Variants in ANXA13 observed in about 807,000 individuals in gnomAD.
ANXA13 encodes the protein annexin A13, also known as annexin XIII.
A neutral mutation model predicts 46.6 loss-of-function variants in ANXA13; 36 were observed. That is an observed-to-expected ratio of 0.77 (90% CI 0.59 to 1.02). The LOEUF is 1.02. Ranked by LOEUF, ANXA13 falls within the 50% of genes least tolerant of loss-of-function variation. ANXA13 has a pLI of 0.00. For synonymous variants in ANXA13, 163 were observed against 152.9 expected, an observed-to-expected ratio of 1.07 and a Z score of -0.49; for missense variants, 417 against 396.5, an observed-to-expected ratio of 1.05 and a Z score of -0.44.
chr8:123,735,129 A>C (rs1219171397), intron 1 of ANXA13, among the ~76,000 whole-genome samples: 2 of 151,906 alleles, frequency 1.3e-5, no homozygotes, highest in Admixed American at 6.5e-5. Flanking sequence ...AAAAAAAAAA[A>C]ACAAACCCAG....
intron 8 of ANXA13, among the ~76,000 whole-genome samples, chr8:123,692,515 C>T (rs890643572): frequency 1.6e-4 from 24 of 152,152 alleles, no homozygotes; most frequent in African/African-American, 2.2e-4. Context: ...ATAACTAACT[C>T]GCTTTGTGGG....
chr8:123,731,503 G>A (rs1318261974), intron 1 of ANXA13, among the ~76,000 whole-genome samples: 1 of 152,128 alleles, frequency 6.6e-6, no homozygotes, highest in Admixed American at 6.5e-5. Flanking sequence ...TGTTGGTGAT[G>A]GGGATATATA....
intron 4 of ANXA13, among the ~76,000 whole-genome samples, chr8:123,697,543 C>T (rs1324044144): frequency 6.6e-6 from 1 of 152,214 alleles, no homozygotes; most frequent in Non-Finnish European, 1.5e-5. Context: ...GTGAACGTGG[C>T]CCAGCACCCA....
intron 4 of ANXA13, among the ~76,000 whole-genome samples, chr8:123,697,295 G>C (rs982853092): frequency 1.3e-5 from 2 of 152,180 alleles, no homozygotes; most frequent in African/African-American, 4.8e-5. Context: ...CTGGGACCTT[G>C]GTGCTTCTGA....
chr8:123,712,601 A>G, intron 2 of ANXA13, 77 bp downstream of exon 2: 1 of 1,241,580 alleles, frequency 8.1e-7, no homozygotes, highest in South Asian at 1.2e-5. Flanking sequence ...CAGCTTCCTA[A>G]CATCATGGGG....
intron 1 of ANXA13, among the ~76,000 whole-genome samples, chr8:123,730,108 G>T (rs1221188623): frequency 1.3e-5 from 2 of 152,182 alleles, no homozygotes; most frequent in African/African-American, 4.8e-5. Flanking sequence ...TAGCCGATGA[G>T]GGTGGAGGGT....
chr8:123,693,772 C>T lies in ANXA13; in HGVS notation c.479G>A (p.Arg160His), dbSNP rs376084774. ...KILVSLLQAN[R>H]NEGDDVDKDL... ...TTTGTCCACGTCATCTCCTTCATTG[C>T]GATTAGCCTAGAAAAATTGACACAT... The change falls in exon 7 of 11, where the codon CGC becomes CAC. Residue 160 changes from arginine (R) to histidine (H), a missense_variant. Transcript: ENST00000419625. The T allele has an allele frequency of 2.7e-5, 44 of 1,613,738 alleles. No individual in the cohort carries two copies. The highest frequency in any genetic ancestry group is 6.6e-5 in the South Asian group (6 of 91,058).
chr8:123,702,955 C>T (rs1241817293), intron 2 of ANXA13, among the ~76,000 whole-genome samples: 1 of 152,150 alleles, frequency 6.6e-6, no homozygotes, highest in African/African-American at 2.4e-5. Context: ...ACATGGCACA[C>T]AGTGCTAGGC....
At chr8:123,729,849 A>G (rs1389104993) in intron 1 of ANXA13, among the ~76,000 whole-genome samples, 1 of 152,090 alleles carries the variant, frequency 6.6e-6, no homozygotes, top group Non-Finnish European at 1.5e-5. Context: ...TTGTCCAACA[A>G]ACAAACAAAA....
intron 1 of ANXA13, among the ~76,000 whole-genome samples, chr8:123,730,510 C>G (rs369874502): frequency 4.6e-5 from 7 of 152,236 alleles, no homozygotes; most frequent in Non-Finnish European, 7.3e-5. Flanking sequence ...TCCTTAGTGT[C>G]GTAGGTTGAA....
chr8:123,697,188 CAGG>C (rs1439260289), intron 4 of ANXA13, among the ~76,000 whole-genome samples: 3 of 152,220 alleles, frequency 2.0e-5, no homozygotes, highest in African/African-American at 7.2e-5. Context: ...GCTAAGATTA[CAGG>C]CGTGAACCAC....
intron 1 of ANXA13, among the ~76,000 whole-genome samples, chr8:123,724,466 AG>A (rs1293022315): frequency 1.3e-5 from 2 of 152,238 alleles, no homozygotes; most frequent in Non-Finnish European, 1.5e-5. Flanking sequence ...ACAAGCAGCC[AG>A]GGTTGAGAAC....
chr8:123,735,523 T>A (rs1278365582), intron 1 of ANXA13, among the ~76,000 whole-genome samples: 1 of 152,222 alleles, frequency 6.6e-6, no homozygotes, highest in Non-Finnish European at 1.5e-5. Context: ...GAGTTGTTAA[T>A]GAGACACTGT....
rs567541118 is a variant in ANXA13, at chr8:123,732,973, G to A, written c.15+4347C>T. Among the ~76,000 whole-genome samples, 336 of 152,116 alleles carry A rather than the reference G, an allele frequency of 2.2e-3. 2 individuals carry two copies. Among genetic ancestry groups the A allele is most frequent in the African/African-American group, 7.7e-3 (318 of 41,532 alleles). On this transcript the variant is annotated intron_variant, in intron 1 of 10. Transcript: ENST00000419625. ...GGATCGCTTGAGCCCAGGAGTTTGG[G>A]ACCAGCCTGGGCAACATAGGATGAC...
At chr8:123,725,568 G>T (rs1813966897) in intron 1 of ANXA13, among the ~76,000 whole-genome samples, 1 of 152,162 alleles carries the variant, frequency 6.6e-6, no homozygotes, top group African/African-American at 2.4e-5. Context: ...AGAGATTGAT[G>T]AGCAATTTGA....
intron 2 of ANXA13, among the ~76,000 whole-genome samples, chr8:123,708,529 G>A (rs1813590111): frequency 1.3e-5 from 2 of 152,174 alleles, no homozygotes; most frequent in Non-Finnish European, 2.9e-5. Context: ...TAGCACTGCT[G>A]GGCCGCGCAG....
At position 123,690,066 on chromosome 8, in the gene ANXA13, G is replaced by T. The variant is rs1813206134; in HGVS notation, c.643-1120C>A. On this transcript the variant is annotated intron_variant, in intron 8 of 10. Transcript: ENST00000419625. This position sits in a 1 kb window ranked among gnomAD's most constrained non-coding sequence, Gnocchi z 4.6. Reference sequence around the variant, plus strand: ...GCAATAGAAACCAGATTAGAAGAGTGGGGGAACTGTCCCTTCCTTAGCTGC... The same window carrying T: ...GCAATAGAAACCAGATTAGAAGAGTTGGGGAACTGTCCCTTCCTTAGCTGC... Among the ~76,000 whole-genome samples, 1 of 152,100 alleles carries T rather than the reference G, an allele frequency of 6.6e-6. No individual in the cohort carries two copies. Among genetic ancestry groups the T allele is most frequent in the African/African-American group, 2.4e-5 (1 of 41,402 alleles).
intron 2 of ANXA13, among the ~76,000 whole-genome samples, chr8:123,707,851 A>C (rs1813569281): frequency 6.6e-6 from 1 of 152,138 alleles, no homozygotes; most frequent in Non-Finnish European, 1.5e-5. Flanking sequence ...TAATAATAAT[A>C]ATAAAAAACC....
intron 1 of ANXA13, among the ~76,000 whole-genome samples, chr8:123,733,836 C>T (rs1814186774): frequency 6.6e-6 from 1 of 152,160 alleles, no homozygotes; most frequent in Non-Finnish European, 1.5e-5. Flanking sequence ...AGGGCTGGGA[C>T]CCAGGCATCG....
Sources: allele counts gnomAD v4.1 joint callset (sites outside exome capture counted in the v4.1 genomes callset), GRCh38; gene constraint gnomAD v4.1.1; non-coding constraint Gnocchi (gnomAD v3.1); transcripts MANE v1.5; gene names NCBI Gene and HGNC (gene_info 2026-07-23, HGNC 2026-07-21).